The following MNAT1 variants were observed in gnomAD, a reference collection of about 807,000 sequenced individuals.
The protein encoded by MNAT1 is CDK-activating kinase assembly factor MAT1.
A neutral mutation model predicts 42.0 loss-of-function variants in MNAT1; 43 were observed. That is an observed-to-expected ratio of 1.02 (90% confidence interval 0.80 to 1.32). MNAT1 has a LOEUF of 1.32. Ranked by LOEUF, MNAT1 falls within the 40% of genes most tolerant of loss-of-function variation. The probability of loss-of-function intolerance (pLI) is 0.00; values close to 1 mark genes in which losing one functional copy is unlikely to be tolerated. For synonymous variants in MNAT1, 118 were observed against 120.0 expected (o/e 0.98, Z 0.11); for missense variants, 306 against 350.4 (o/e 0.87, Z 1.01).
At chr14:60,857,211 A>G (rs182921902) in intron 6 of MNAT1, among the ~76,000 whole-genome samples, 40 of 152,342 alleles carry the variant, frequency 2.6e-4, no homozygotes, top group African/African-American at 9.6e-4. Context: ...CAGATGTACG[A>G]GGAGATGAAG....
chr14:60,866,307 C>CTTTT (rs58874872), intron 6 of MNAT1, among the ~76,000 whole-genome samples: 1 of 94,408 alleles, frequency 1.1e-5, no homozygotes, highest in East Asian at 2.8e-4. Context: ...TTATTTTGAC[C>CTTTT]TTTTTTTTTT....
At chr14:60,819,483 T>C (rs996424935) in intron 6 of MNAT1, among the ~76,000 whole-genome samples, 85 of 152,212 alleles carry the variant, frequency 5.6e-4, no homozygotes, top group African/African-American at 1.9e-3. Context: ...TCTAAATATG[T>C]AGCATTCAAA....
At chr14:60,859,057 G>A (rs896642973) in intron 6 of MNAT1, among the ~76,000 whole-genome samples, 5 of 152,208 alleles carry the variant, frequency 3.3e-5, no homozygotes, top group African/African-American at 1.2e-4. Flanking sequence ...CAAGGAATCT[G>A]TAGAGAAGTA....
intron 6 of MNAT1, among the ~76,000 whole-genome samples, chr14:60,854,729 G>A (rs1412917363): frequency 6.6e-6 from 1 of 152,198 alleles, no homozygotes; most frequent in Non-Finnish European, 1.5e-5. Flanking sequence ...TGTATGACGT[G>A]TCTGTTGACC....
chr14:60,889,897 T>A (rs1263921961), intron 7 of MNAT1, among the ~76,000 whole-genome samples: 1 of 152,074 alleles, frequency 6.6e-6, no homozygotes. Context: ...AAAACCACAA[T>A]GAGATACCAT....
intron 1 of MNAT1, among the ~76,000 whole-genome samples, chr14:60,744,828 T>C (rs1896568053): frequency 6.6e-6 from 1 of 152,216 alleles, no homozygotes; most frequent in Non-Finnish European, 1.5e-5. Flanking sequence ...TTTTGATATC[T>C]CAGCTGGATA....
At chr14:60,763,311 A>G (rs1398868587) in intron 1 of MNAT1, among the ~76,000 whole-genome samples, 2 of 152,172 alleles carry the variant, frequency 1.3e-5, no homozygotes, top group African/African-American at 4.8e-5. Context: ...GCTACAACCT[A>G]TATCATTTTA....
chr14:60,764,616 G>T (rs1042816096), intron 1 of MNAT1, among the ~76,000 whole-genome samples: 1 of 152,186 alleles, frequency 6.6e-6, no homozygotes, highest in Non-Finnish European at 1.5e-5. Flanking sequence ...TGATTCTGTG[G>T]CTGTGAGGGT....
At chr14:60,822,324 T>C (rs1015863682) in intron 6 of MNAT1, among the ~76,000 whole-genome samples, 1 of 152,214 alleles carries the variant, frequency 6.6e-6, no homozygotes, top group Non-Finnish European at 1.5e-5. Flanking sequence ...AACCTGAACA[T>C]GATATGAACA....
chr14:60,854,245 G>A (rs1329297813), intron 6 of MNAT1, among the ~76,000 whole-genome samples: 2 of 152,080 alleles, frequency 1.3e-5, no homozygotes, highest in South Asian at 2.1e-4. Flanking sequence ...GAGTTAGAAC[G>A]TGCTCCTTTA....
intron 3 of MNAT1, among the ~76,000 whole-genome samples, chr14:60,807,194 A>G (rs2032398892): frequency 6.6e-6 from 1 of 152,222 alleles, no homozygotes; most frequent in South Asian, 2.1e-4. Context: ...GCCTTTTGAG[A>G]AGAAAAAAAT....
chr14:60,967,050 G>A (rs111602198), intron 7 of MNAT1, among the ~76,000 whole-genome samples: 2 of 152,276 alleles, frequency 1.3e-5, no homozygotes, highest in African/African-American at 4.8e-5. Context: ...GCCCTTGGCA[G>A]AGAAGCAAAT....
At chr14:60,749,454 T>C (rs2140291409) in intron 1 of MNAT1, among the ~76,000 whole-genome samples, 1 of 152,320 alleles carries the variant, frequency 6.6e-6, no homozygotes, top group Non-Finnish European at 1.5e-5. Context: ...AAATATATAC[T>C]GACAGTATGA....
At chr14:60,777,139 C>T (rs563650148) in intron 1 of MNAT1, among the ~76,000 whole-genome samples, 1 of 152,296 alleles carries the variant, frequency 6.6e-6, no homozygotes, top group South Asian at 2.1e-4. Context: ...CGTGAGCCAC[C>T]ATGCCCAGCC....
intron 7 of MNAT1, among the ~76,000 whole-genome samples, chr14:60,946,242 T>C (rs2036274208): frequency 6.6e-6 from 1 of 152,208 alleles, no homozygotes; most frequent in Non-Finnish European, 1.5e-5. Flanking sequence ...ACCCTGAATC[T>C]TCCTCTGACT....
At chr14:60,780,351 A>G in intron 1 of MNAT1, 1 of 1,575,318 alleles carries the variant, frequency 6.3e-7, no homozygotes. Context: ...AAAGCTATTC[A>G]GGATGAAATC....
chr14:60,940,520 C>G (rs7141927), intron 7 of MNAT1, among the ~76,000 whole-genome samples: 117,964 of 152,054 alleles, frequency 0.78, 50,778 homozygotes, highest in Non-Finnish European at 0.97. Flanking sequence ...CAGGTTCATG[C>G]CATTCTTCTG....
chr14:60,844,359 T>C (rs2033628392), intron 6 of MNAT1, among the ~76,000 whole-genome samples: 1 of 152,120 alleles, frequency 6.6e-6, no homozygotes, highest in South Asian at 2.1e-4. Context: ...TACATGTACA[T>C]GGTATGCTTC....
chr14:60,743,959 G>T (rs1896544379), intron 1 of MNAT1, among the ~76,000 whole-genome samples: 1 of 151,700 alleles, frequency 6.6e-6, no homozygotes, highest in Non-Finnish European at 1.5e-5. Context: ...TCATTTCTCT[G>T]ATATTTCCCA....
Sources: gnomAD v4.1 joint callset for allele counts (sites outside exome capture counted in the v4.1 genomes callset) on GRCh38, gnomAD v4.1.1 for gene constraint, MANE v1.5 for transcripts, NCBI Gene and HGNC (gene_info 2026-07-23, HGNC 2026-07-21) for gene names.